VPS41: variants seen among roughly 807,000 people sequenced by gnomAD.
VPS41 encodes VPS41 subunit of HOPS complex.
A neutral mutation model predicts 130.9 loss-of-function variants in VPS41; 85 were observed. That is an observed-to-expected ratio of 0.65 (90% CI 0.55 to 0.78). VPS41 has a LOEUF of 0.78. Ranked by LOEUF, VPS41 falls within the 30% of genes least tolerant of loss-of-function variation. VPS41 has a pLI of 0.00. For synonymous variants in VPS41, 335 were observed against 332.9 expected (o/e 1.01, Z -0.07); for missense variants, 874 against 1,018.7 (o/e 0.86, Z 1.93).
intron 17 of VPS41, among the ~76,000 whole-genome samples, chr7:38,762,925 T>C (rs113253515): frequency 0.016 from 2,486 of 152,278 alleles, 20 homozygotes; most frequent in Non-Finnish European, 0.025. Context: ...ATCAACAGGG[T>C]AACTTTGACG....
At chr7:38,898,819 C>T (rs963752157) in intron 1 of VPS41, among the ~76,000 whole-genome samples, 6 of 152,234 alleles carry the variant, frequency 3.9e-5, no homozygotes, top group Non-Finnish European at 8.8e-5. Flanking sequence ...TGATGCCATG[C>T]ATCCTCAAAG....
In VPS41 at chr7:38,752,315, T is replaced by G; in HGVS notation, c.1789-2A>C. 6.2e-7 allele frequency: 1 copy of G among 1,613,544 alleles called. No homozygotes were observed. Reference sequence around the variant, plus strand: ...TCTCTTGAAAAGCTTATGCAAATACTAAAAGGAACAAAAGATAAGCCGTGA... The same window carrying G: ...TCTCTTGAAAAGCTTATGCAAATACGAAAAGGAACAAAAGATAAGCCGTGA... On this transcript the variant is annotated splice_acceptor_variant, in intron 21 of 28. Coordinates refer to ENST00000310301, the MANE Select transcript of VPS41 (RefSeq NM_014396.4). LOFTEE classifies it high-confidence loss of function.
At chr7:38,756,068 C>T (rs1783786194) in intron 19 of VPS41, among the ~76,000 whole-genome samples, 1 of 152,242 alleles carries the variant, frequency 6.6e-6, no homozygotes, top group South Asian at 2.1e-4. Flanking sequence ...AAATACAGTA[C>T]AATATAATTG....
intron 7 of VPS41, among the ~76,000 whole-genome samples, chr7:38,797,688 C>T (rs1193876031): frequency 6.6e-6 from 1 of 152,176 alleles, no homozygotes; most frequent in East Asian, 1.9e-4. Flanking sequence ...AACAGAATTA[C>T]TAAAATTCCT....
intron 2 of VPS41, among the ~76,000 whole-genome samples, chr7:38,869,942 A>G (rs1786313097): frequency 6.6e-6 from 1 of 152,158 alleles, no homozygotes; most frequent in African/African-American, 2.4e-5. Context: ...ATATAACAAC[A>G]TCTATCCAAG....
At chr7:38,757,073 A>G in intron 18 of VPS41, 91 bp from the exon 19 acceptor site, 1 of 1,039,970 alleles carries the variant, frequency 9.6e-7, no homozygotes, top group South Asian at 1.4e-5. Context: ...TTAAAAATGG[A>G]AACACTCCTT....
chr7:38,748,699 T>G (rs1487772528), intron 22 of VPS41, among the ~76,000 whole-genome samples: 1 of 151,910 alleles, frequency 6.6e-6, no homozygotes, highest in African/African-American at 2.4e-5. Flanking sequence ...CAGGACAGTT[T>G]AACAGTTAAA....
At chr7:38,788,045 G>A (rs1353966934) in intron 10 of VPS41, among the ~76,000 whole-genome samples, 1 of 152,130 alleles carries the variant, frequency 6.6e-6, no homozygotes, top group East Asian at 1.9e-4. Context: ...CACAGAGTTG[G>A]GATGAAAGTC....
intron 7 of VPS41, among the ~76,000 whole-genome samples, chr7:38,799,060 G>T (rs114655109): frequency 0.01 from 1,533 of 152,154 alleles, 23 homozygotes; most frequent in African/African-American, 0.035. Context: ...AACACAAAGG[G>T]TTGGGTCCCC....
At chr7:38,889,467 A>G (rs779631018) in intron 2 of VPS41, among the ~76,000 whole-genome samples, 5 of 151,798 alleles carry the variant, frequency 3.3e-5, no homozygotes, top group African/African-American at 7.2e-5. Flanking sequence ...TAGAAGCCAG[A>G]GGGAAGTGGC....
chr7:38,756,310 G>A (rs955210196), intron 19 of VPS41, among the ~76,000 whole-genome samples: 3 of 151,722 alleles, frequency 2.0e-5, no homozygotes, highest in Non-Finnish European at 4.4e-5. Flanking sequence ...ATTAGGGGGC[G>A]TAAATTTATT....
Position 38,731,858 on chromosome 7 carries a change from C to T in VPS41, c.2260-3067G>A, listed in dbSNP as rs183272844. On this transcript the variant is annotated intron_variant, in intron 25 of 28. Coordinates refer to ENST00000310301, the MANE Select transcript of VPS41 (RefSeq NM_014396.4). ...TAACAAATCTGTTGATATTTTCCCA[C>T]GTGCTTCAGATCTCATTCCAGAAAA... is the stretch of plus-strand genomic sequence containing the variant. Among the ~76,000 whole-genome samples, 59 of 152,280 alleles carry T rather than the reference C, an allele frequency of 3.9e-4. 1 individual carries two copies. Among genetic ancestry groups the T allele is most frequent in the Middle Eastern group, 3.4e-3 (1 of 294 alleles).
chr7:38,780,130 G>T (rs1784330476), intron 10 of VPS41, among the ~76,000 whole-genome samples: 1 of 148,884 alleles, frequency 6.7e-6, no homozygotes, highest in African/African-American at 2.5e-5. Context: ...TGCTAGAGAG[G>T]AAATACATGA....
chr7:38,823,068 G>A (rs1333207656), intron 5 of VPS41, among the ~76,000 whole-genome samples: 1 of 152,166 alleles, frequency 6.6e-6, no homozygotes, highest in Non-Finnish European at 1.5e-5. Flanking sequence ...CTGAATGTAT[G>A]TGTTCTCCCC....
intron 7 of VPS41, among the ~76,000 whole-genome samples, chr7:38,805,903 G>C (rs1784831318): frequency 6.6e-6 from 1 of 152,176 alleles, no homozygotes; most frequent in South Asian, 2.1e-4. Context: ...TGTTCAGTAA[G>C]CAGCAATAAT....
chr7:38,768,207 T>C (rs1490791622), intron 14 of VPS41, among the ~76,000 whole-genome samples: 2 of 152,196 alleles, frequency 1.3e-5, no homozygotes, highest in Admixed American at 1.3e-4. Flanking sequence ...TCTGAAAGGA[T>C]TTGGGGTGGC....
At chr7:38,736,261 T>C (rs575842368) in intron 25 of VPS41, among the ~76,000 whole-genome samples, 1 of 152,308 alleles carries the variant, frequency 6.6e-6, no homozygotes, top group South Asian at 2.1e-4. Context: ...AATATCAAGG[T>C]GGTTTAAGGA....
chr7:38,808,962 T>G lies in VPS41; in HGVS notation c.450+8855A>C, dbSNP rs573763346. ...TGGCCAAAAGGGCACAGACTTTCAG[T>G]TCTAAGATGAATAAATTCGGGGATC... On this transcript the variant is annotated intron_variant, in intron 7 of 28. Transcript: ENST00000310301. Among the ~76,000 whole-genome samples the G allele has an allele frequency of 5.3e-5, 8 of 152,286 alleles. No homozygotes were observed. In the East Asian group the frequency reaches 1.4e-3, roughly 26 times the overall value.
At chr7:38,892,352 T>C (rs1169735283) in intron 2 of VPS41, among the ~76,000 whole-genome samples, 1 of 152,172 alleles carries the variant, frequency 6.6e-6, no homozygotes, top group Non-Finnish European at 1.5e-5. Context: ...GTCTGTGTTT[T>C]TATCTGTAAA....
Sources: allele counts gnomAD v4.1 joint callset (sites outside exome capture counted in the v4.1 genomes callset), GRCh38; gene constraint gnomAD v4.1.1; transcripts MANE v1.5; gene names NCBI Gene and HGNC (gene_info 2026-07-23, HGNC 2026-07-21).